The following FGF3 variants were observed in gnomAD, a reference collection of about 807,000 sequenced individuals.
FGF3 encodes the protein FGF-3.
In FGF3, 7 loss-of-function variants were observed where a neutral mutation model predicts 9.8. The observed-to-expected ratio is 0.72, with a 90% confidence interval of 0.41 to 1.35. FGF3 has a LOEUF of 1.35. FGF3 is among the 40% of genes most tolerant of loss of function. The probability of loss-of-function intolerance (pLI) is 0.01; values close to 1 mark genes in which losing one functional copy is unlikely to be tolerated. For missense variants in FGF3, 390 were observed against 345.6 expected (o/e 1.13, Z -1.02); for synonymous variants, 173 against 157.2 (o/e 1.10, Z -0.75).
Position 69,818,824 on chromosome 11 carries a change from T to G in FGF3, c.110A>C (p.Glu37Ala). 2 of 1,485,002 alleles carry G rather than the reference T, an allele frequency of 1.3e-6. No homozygotes were observed. The highest frequency in any genetic ancestry group is 8.9e-7 in the Non-Finnish European group (1 of 1,124,336). 92.0% of individuals were successfully genotyped at this position (1,485,002 alleles called of 1,614,324 possible). Residue 37 changes from glutamate to alanine, a missense_variant, in exon 1 of 3, where the codon GAG (glutamate) becomes GCG (alanine). Glu to Ala is a moderately radical substitution (Grantham distance 107, BLOSUM62 -1). Coordinates refer to ENST00000334134, the MANE Select transcript of FGF3 (RefSeq NM_005247.4). ...RDAGGRGGVY[E>A]HLGGAPRRRK... is the part of the protein sequence containing the mutation. Reference sequence around the variant, plus strand: ...GCGCCGGGGCGCCCCGCCAAGGTGCTCGTAGACGCCGCCACGGCCGCCCGC... The same window carrying G: ...GCGCCGGGGCGCCCCGCCAAGGTGCGCGTAGACGCCGCCACGGCCGCCCGC...
intron 2 of FGF3, among the ~76,000 whole-genome samples, chr11:69,812,123 T>A (rs1590962243): frequency 6.6e-6 from 1 of 151,712 alleles, no homozygotes; most frequent in Non-Finnish European, 1.5e-5. Context: ...TGGTGGGAGG[T>A]GGAAGCAGCA....
Position 69,813,768 on chromosome 11 carries a change from G to GTGGGTGGA in FGF3, c.324+2551_324+2552insTCCACCCA, listed in dbSNP as rs1856072165. Among the ~76,000 whole-genome samples the GTGGGTGGA allele has an allele frequency of 5.9e-5, 4 of 68,122 alleles. 1 individual carries two copies. In the East Asian group the frequency reaches 1.7e-3, roughly 29 times the overall value. The allele number at this position is 68,122 out of a possible 152,430, so 44.7% of individuals were successfully genotyped here. Reference sequence around the variant, plus strand: ...GCTGGATGGATGGATGGGTGGATGGGTGGATGGATGGATGGATGGATGGAT... The same window carrying GTGGGTGGA: ...GCTGGATGGATGGATGGGTGGATGGGTGGGTGGATGGATGGATGGATGGATGGATGGAT... On this transcript the variant is annotated intron_variant, in intron 2 of 2. Coordinates refer to ENST00000334134, the MANE Select transcript of FGF3 (RefSeq NM_005247.4).
rs1338792188 is a variant in FGF3, at chr11:69,819,336, C to T, written c.-403G>A. Among the ~76,000 whole-genome samples, 2 of 151,424 alleles carry T rather than the reference C, an allele frequency of 1.3e-5. No individual in the cohort carries two copies. The highest frequency in any genetic ancestry group is 2.1e-4 in the South Asian group (1 of 4,804). ...GTTCGGGCCGGGCGCCGTCTGCATACACTCGCCGCCAGCGCACCGCCGTCG... is the reference window on the plus strand; with the variant it reads ...GTTCGGGCCGGGCGCCGTCTGCATATACTCGCCGCCAGCGCACCGCCGTCG... On this transcript the variant is annotated 5_prime_UTR_variant, in exon 1 of 3. Transcript: ENST00000334134.
intron 1 of FGF3, among the ~76,000 whole-genome samples, chr11:69,818,196 C>A (rs1041469091): frequency 2.6e-5 from 4 of 152,132 alleles, no homozygotes; most frequent in Non-Finnish European, 5.9e-5. Context: ...CAGCCGCGAG[C>A]GGGGAGGGCG....
chr11:69,813,303 G>T (rs1554980629), intron 2 of FGF3, among the ~76,000 whole-genome samples: 1 of 152,190 alleles, frequency 6.6e-6, no homozygotes, highest in Non-Finnish European at 1.5e-5. Flanking sequence ...GCTTCCGGAA[G>T]CCGGAGGAGG....
At position 69,810,271 on chromosome 11, in the gene FGF3, C is replaced by T. The variant is rs1366109225; in HGVS notation, c.*34G>A. The stretch of plus-strand genomic sequence containing the variant: ...TCAAGAGGCTGCCACGCCAAGATGT[C>T]GCCAGGAGCTCTGGCGGTGGCCACC... On this transcript the variant is annotated 3_prime_UTR_variant, in exon 3 of 3. Transcript: ENST00000334134. 41 of 1,524,764 alleles carry T rather than the reference C, an allele frequency of 2.7e-5. No individual in the cohort carries two copies. The highest frequency in any genetic ancestry group is 3.5e-5 in the Non-Finnish European group (40 of 1,129,782). 94.5% of individuals were successfully genotyped at this position (1,524,764 alleles called of 1,614,324 possible). A position where few individuals can be genotyped will look rare whatever the true frequency, so the allele number is the denominator to read the frequency against.
intron 1 of FGF3, among the ~76,000 whole-genome samples, chr11:69,816,787 C>G (rs1554981152): frequency 6.6e-6 from 1 of 152,216 alleles, no homozygotes; most frequent in Non-Finnish European, 1.5e-5. Context: ...GACTGTCAGG[C>G]CCCTGCACAT....
intron 2 of FGF3, 29 bp downstream of exon 2, chr11:69,816,291 C>T (rs202128807): frequency 3.3e-4 from 500 of 1,535,466 alleles, no homozygotes; most frequent in Non-Finnish European, 4.0e-4. Context: ...ACTCCGTCAG[C>T]GCCCACCCAC....
rs539798886 is a variant in FGF3, at chr11:69,810,805, C to T, written c.325-105G>A. ...TCCCCTCCTGTGAGGCTGTTCGGTC[C>T]AGTGCCAAACCCCAGCGCACTCTCA... On this transcript the variant is annotated intron_variant, in intron 2 of 2. Transcript: ENST00000334134. 2.3e-5 allele frequency: 24 copies of T among 1,041,398 alleles called. 1 individual carries two copies. In the Admixed American group the frequency reaches 5.3e-4, roughly 23 times the overall value. The allele number at this position is 1,041,398 out of a possible 1,614,324, so 64.5% of individuals were successfully genotyped here.
At chr11:69,814,161 T>C (rs1168772494) in intron 2 of FGF3, among the ~76,000 whole-genome samples, 1 of 151,892 alleles carries the variant, frequency 6.6e-6, no homozygotes, top group Non-Finnish European at 1.5e-5. Flanking sequence ...GATGGATGGC[T>C]TGACAAACAG....
intron 2 of FGF3, among the ~76,000 whole-genome samples, 179 bp downstream of exon 2, chr11:69,816,141 C>T (rs1166713510): frequency 2.0e-5 from 3 of 152,168 alleles, no homozygotes. Context: ...GGAGCAGCCT[C>T]TAACAGACAC....
chr11:69,812,615 C>A (rs1366588219), intron 2 of FGF3, among the ~76,000 whole-genome samples: 2 of 152,180 alleles, frequency 1.3e-5, no homozygotes, highest in Non-Finnish European at 2.9e-5. Context: ...TAGCCTGGGG[C>A]TCAGCGACTA....
At chr11:69,813,160 G>C (rs1435057768) in intron 2 of FGF3, among the ~76,000 whole-genome samples, 1 of 152,230 alleles carries the variant, frequency 6.6e-6, no homozygotes, top group African/African-American at 2.4e-5. Flanking sequence ...AAGCTGCTTT[G>C]TTGAGGAGGT....
At position 69,819,026 on chromosome 11, in the gene FGF3, G is replaced by A. The variant is rs1195205322; in HGVS notation, c.-93C>T. The A allele has an allele frequency of 7.4e-6, 6 of 810,036 alleles. No individual in the cohort carries two copies. In the African/African-American group the frequency reaches 1.1e-4, roughly 15 times the overall value. The allele number at this position is 810,036 out of a possible 1,614,324, so 50.2% of individuals were successfully genotyped here. A position where few individuals can be genotyped will look rare whatever the true frequency, so the allele number is the denominator to read the frequency against. Reference sequence around the variant, plus strand: ...CAGCCGGACAGCTGCGAGGTGCTCGGAGCGGGATCCCGCGCCTGGAGATGC... The same window carrying A: ...CAGCCGGACAGCTGCGAGGTGCTCGAAGCGGGATCCCGCGCCTGGAGATGC... On this transcript the variant is annotated 5_prime_UTR_variant, in exon 1 of 3. Coordinates refer to ENST00000334134, the MANE Select transcript of FGF3 (RefSeq NM_005247.4).
intron 2 of FGF3, among the ~76,000 whole-genome samples, chr11:69,813,107 G>A (rs1375657619): frequency 6.6e-6 from 1 of 152,182 alleles, no homozygotes; most frequent in Non-Finnish European, 1.5e-5. Context: ...CCTCCCCCAG[G>A]GCCGCTTCCA....
At position 69,818,997 on chromosome 11, in the gene FGF3, GC is replaced by G; in HGVS notation, c.-65del. On this transcript the variant is annotated 5_prime_UTR_variant, in exon 1 of 3. Coordinates refer to ENST00000334134, the MANE Select transcript of FGF3 (RefSeq NM_005247.4). ...GGCGAGCGCGGCGCCCATGGAAGGG[GC>G]GGCAGCCGGACAGCTGCGAGGTGCT... The G allele has an allele frequency of 8.8e-7, 1 of 1,139,138 alleles. No individual in the cohort carries two copies. 70.6% of individuals were successfully genotyped at this position (1,139,138 alleles called of 1,614,324 possible). A position where few individuals can be genotyped will look rare whatever the true frequency, so the allele number is the denominator to read the frequency against.
In FGF3 at chr11:69,809,980, C is replaced by T. The variant is rs1421274431; in HGVS notation, c.*325G>A. 3 of 336,222 alleles carry T rather than the reference C, an allele frequency of 8.9e-6. No individual in the cohort carries two copies. The highest frequency in any genetic ancestry group is 1.1e-5 in the Non-Finnish European group (2 of 185,812). 20.8% of individuals were successfully genotyped at this position (336,222 alleles called of 1,614,324 possible). On this transcript the variant is annotated 3_prime_UTR_variant, in exon 3 of 3. Transcript: ENST00000334134. ...CCAAACGACAGAGTAGAATAAAATA[C>T]TTTAATGTTGTGATGACACAAAGCC...
At chr11:69,817,800 C>T (rs563228297) in intron 1 of FGF3, among the ~76,000 whole-genome samples, 1 of 152,208 alleles carries the variant, frequency 6.6e-6, no homozygotes, top group Non-Finnish European at 1.5e-5. Flanking sequence ...GCTCCCCACG[C>T]GGTCCTCCCG....
At position 69,818,972 on chromosome 11, in the gene FGF3, G is replaced by A; in HGVS notation, c.-39C>T. On this transcript the variant is annotated 5_prime_UTR_variant, in exon 1 of 3. Transcript: ENST00000334134. ...CCGCCCCGCGGCGGCGGCGGCTGCA[G>A]GCGAGCGCGGCGCCCATGGAAGGGG... The A allele has an allele frequency of 3.7e-6, 5 of 1,354,054 alleles. No individual in the cohort carries two copies. Among genetic ancestry groups the A allele is most frequent in the Non-Finnish European group, 4.9e-6 (5 of 1,024,128 alleles). The allele number at this position is 1,354,054 out of a possible 1,614,324, so 83.9% of individuals were successfully genotyped here.
Sources: gnomAD v4.1 joint callset for allele counts (sites outside exome capture counted in the v4.1 genomes callset) on GRCh38, gnomAD v4.1.1 for gene constraint, MANE v1.5 for transcripts, NCBI Gene and HGNC (gene_info 2026-07-23, HGNC 2026-07-21) for gene names.